Variants in UMAD1 observed in about 807,000 individuals in gnomAD.
UMAD1 encodes the protein UBAP1-MVB12-associated (UMA)-domain containing protein 1.
UMAD1 carries 8 observed loss-of-function variants against 6.1 expected under a neutral mutation model. The ratio of observed to expected loss-of-function variants is 1.30; its 90% confidence interval spans 0.76 to 2.35. UMAD1 has a LOEUF of 2.35. Ranked by LOEUF, UMAD1 falls within the 30% of genes most tolerant of loss-of-function variation. UMAD1 has a pLI of 0.00. For missense variants in UMAD1, 130 were observed against 78.4 expected (o/e 1.66, Z -2.49); for synonymous variants, 56 against 31.4 (o/e 1.78, Z -2.61).
chr7:7,662,345 G>C (rs1223065968), intron 1 of UMAD1, among the ~76,000 whole-genome samples: 1 of 152,134 alleles, frequency 6.6e-6, no homozygotes, highest in Non-Finnish European at 1.5e-5. Flanking sequence ...CGTTCTAGGG[G>C]CCAGTGGGGT....
chr7:7,771,397 T>TA (rs1782097475), intron 2 of UMAD1, among the ~76,000 whole-genome samples: 1 of 152,068 alleles, frequency 6.6e-6, no homozygotes, highest in Non-Finnish European at 1.5e-5. Flanking sequence ...AGCTGATGGT[T>TA]AGGGGGTGCC....
intron 2 of UMAD1, among the ~76,000 whole-genome samples, chr7:7,695,586 A>C (rs1288052701): frequency 6.6e-6 from 1 of 152,186 alleles, no homozygotes; most frequent in Non-Finnish European, 1.5e-5. Flanking sequence ...TGGCACTAGC[A>C]GCCGTAACAC....
intron 2 of UMAD1, among the ~76,000 whole-genome samples, chr7:7,691,552 G>A (rs1000210099): frequency 2.6e-5 from 4 of 152,138 alleles, no homozygotes; most frequent in African/African-American, 9.7e-5. Context: ...GGAGAAGATG[G>A]GAACTCTGCT....
intron 2 of UMAD1, among the ~76,000 whole-genome samples, chr7:7,763,858 T>C (rs1408815755): frequency 7.9e-5 from 12 of 152,254 alleles, no homozygotes; most frequent in African/African-American, 2.2e-4. Flanking sequence ...TCTAGGAAGA[T>C]ACATTATCTG....
intron 2 of UMAD1, among the ~76,000 whole-genome samples, chr7:7,687,996 A>G (rs1780080089): frequency 6.6e-6 from 1 of 152,204 alleles, no homozygotes; most frequent in African/African-American, 2.4e-5. Flanking sequence ...GGATGGCTTG[A>G]AGAAGTTGAT....
chr7:7,840,426 C>T (rs961959758), intron 3 of UMAD1, among the ~76,000 whole-genome samples: 5 of 152,078 alleles, frequency 3.3e-5, no homozygotes, highest in East Asian at 1.9e-4. Flanking sequence ...TGTGGTTTCT[C>T]GGGAATTTAT....
chr7:7,697,356 T>A (rs890147181), intron 2 of UMAD1, among the ~76,000 whole-genome samples: 1 of 152,232 alleles, frequency 6.6e-6, no homozygotes, highest in African/African-American at 2.4e-5. Context: ...GTTGCAGCAT[T>A]TAATTTGTTT....
chr7:7,857,356 A>T (rs1191910970), intron 3 of UMAD1, among the ~76,000 whole-genome samples: 1 of 152,212 alleles, frequency 6.6e-6, no homozygotes, highest in East Asian at 1.9e-4. Context: ...GTGGGCCCAG[A>T]TCATGTGTTT....
chr7:7,811,747 C>G (rs1213474597), intron 3 of UMAD1, among the ~76,000 whole-genome samples: 1 of 152,112 alleles, frequency 6.6e-6, no homozygotes, highest in Non-Finnish European at 1.5e-5. Flanking sequence ...ATTAATCAAG[C>G]TTTATGGCCT....
chr7:7,778,736 A>C (rs1486015857), intron 2 of UMAD1, among the ~76,000 whole-genome samples: 1 of 152,156 alleles, frequency 6.6e-6, no homozygotes, highest in Non-Finnish European at 1.5e-5. Flanking sequence ...CAAAAGAAAA[A>C]GTTGAGAGCA....
chr7:7,687,139 A>G (rs538207312), intron 2 of UMAD1: 1 of 152,338 alleles, frequency 6.6e-6, no homozygotes, highest in South Asian at 2.1e-4. Context: ...GCCCTAAGTA[A>G]TACAGGTACT....
intron 2 of UMAD1, among the ~76,000 whole-genome samples, chr7:7,777,505 CAAAAAA>C (rs1191099834): frequency 4.1e-5 from 1 of 24,566 alleles, no homozygotes; most frequent in Non-Finnish European, 7.9e-5. Flanking sequence ...GACTCCATCT[CAAAAAA>C]AAAAAAAAAA....
At chr7:7,795,978 A>G (rs895223651) in intron 2 of UMAD1, among the ~76,000 whole-genome samples, 7 of 152,174 alleles carry the variant, frequency 4.6e-5, no homozygotes, top group African/African-American at 1.4e-4. Context: ...GCCTCATTTT[A>G]TCCAGATCCT....
intron 3 of UMAD1, among the ~76,000 whole-genome samples, chr7:7,843,891 G>T (rs1783734657): frequency 6.6e-6 from 1 of 152,030 alleles, no homozygotes; most frequent in Non-Finnish European, 1.5e-5. Context: ...AACTAACAGG[G>T]AACCCCCACA....
intron 2 of UMAD1, among the ~76,000 whole-genome samples, chr7:7,730,946 A>G (rs940021600): frequency 6.6e-6 from 1 of 152,304 alleles, no homozygotes; most frequent in East Asian, 1.9e-4. Flanking sequence ...TGAGTTTTAA[A>G]TGTGTTGAAA....
At chr7:7,855,195 C>G (rs1783993212) in intron 3 of UMAD1, among the ~76,000 whole-genome samples, 1 of 152,204 alleles carries the variant, frequency 6.6e-6, no homozygotes, top group Non-Finnish European at 1.5e-5. Flanking sequence ...GTCAGTGAAT[C>G]TACCATTTTG....
At chr7:7,691,813 A>G (rs1269083810) in intron 2 of UMAD1, among the ~76,000 whole-genome samples, 1 of 152,200 alleles carries the variant, frequency 6.6e-6, no homozygotes, top group Non-Finnish European at 1.5e-5. Flanking sequence ...CTTTCTCAGG[A>G]GGGAAAAAGG....
intron 1 of UMAD1, among the ~76,000 whole-genome samples, chr7:7,654,701 G>T (rs966302608): frequency 6.6e-6 from 1 of 152,040 alleles, no homozygotes; most frequent in Non-Finnish European, 1.5e-5. Flanking sequence ...CTAGGAGTTC[G>T]AGACCAGCCT....
chr7:7,839,913 A>G (rs1036079694), intron 3 of UMAD1, among the ~76,000 whole-genome samples: 5 of 152,230 alleles, frequency 3.3e-5, no homozygotes, highest in African/African-American at 1.2e-4. Flanking sequence ...CAGCTGCTCA[A>G]GTGCCTGCAG....
Sources: allele counts gnomAD v4.1 joint callset (sites outside exome capture counted in the v4.1 genomes callset), GRCh38; gene constraint gnomAD v4.1.1; transcripts MANE v1.5; gene names NCBI Gene and HGNC (gene_info 2026-07-23, HGNC 2026-07-21).